SPATA21: variants seen among roughly 807,000 people sequenced by gnomAD.
SPATA21 encodes the protein spermatogenesis-associated protein 21.
In SPATA21, 47 loss-of-function variants were observed where a neutral mutation model predicts 54.8. The observed-to-expected ratio is 0.86, with a 90% confidence interval of 0.68 to 1.09. The LOEUF (loss-of-function observed/expected upper bound fraction) is 1.09, where lower values mean the gene tolerates loss of function less well. SPATA21 is among the 50% of genes least tolerant of loss of function. SPATA21 has a pLI of 0.00. For synonymous variants in SPATA21, 245 were observed against 235.3 expected (o/e 1.04, Z -0.38); for missense variants, 599 against 596.4 (o/e 1.00, Z -0.05).
At chr1:16,410,088 G>A in intron 5 of SPATA21, 45 bp from the exon 6 acceptor site, 2 of 1,449,004 alleles carry the variant, frequency 1.4e-6, no homozygotes, top group Non-Finnish European at 1.9e-6. Flanking sequence ...GTGGGCCAGA[G>A]TGTCCCACAA....
At chr1:16,424,217 G>GCGGGCGGATCACGAGGT (rs1214509690) in intron 3 of SPATA21, among the ~76,000 whole-genome samples, 3,233 of 112,038 alleles carry the variant, frequency 0.029, 535 homozygotes, top group Middle Eastern at 0.056. Context: ...GGAGGCTGAG[G>GCGGGCGGATCACGAGGT]CAGGAGAATG....
chr1:16,412,489 G>A lies in SPATA21; in HGVS notation c.145-2446C>T, dbSNP rs184649381. 1.3e-3 allele frequency among the ~76,000 whole-genome samples: 204 copies of A among 152,220 alleles called. 1 individual carries two copies. Among genetic ancestry groups the A allele is most frequent in the African/African-American group, 4.7e-3 (196 of 41,518 alleles). On this transcript the variant is annotated intron_variant, in intron 5 of 12. Transcript: ENST00000335496. ...CTTTGTTTGTTTGTTTTGAGACAGAGTCTCACTCTGTTGCCCAGGCTGGAG... is the reference window on the plus strand; with the variant it reads ...CTTTGTTTGTTTGTTTTGAGACAGAATCTCACTCTGTTGCCCAGGCTGGAG...
intron 5 of SPATA21, among the ~76,000 whole-genome samples, chr1:16,415,147 G>C (rs1249118985): frequency 6.6e-6 from 1 of 152,148 alleles, no homozygotes; most frequent in African/African-American, 2.4e-5. Flanking sequence ...GAAGAGCCTG[G>C]GCAACATGGT....
At chr1:16,416,519 A>T in intron 5 of SPATA21, among the ~76,000 whole-genome samples, 1 of 152,132 alleles carries the variant, frequency 6.6e-6, no homozygotes, top group East Asian at 1.9e-4. Flanking sequence ...CTCTATTAAA[A>T]ATACAAAAAT....
At chr1:16,406,306 C>T (rs905655064) in intron 7 of SPATA21, among the ~76,000 whole-genome samples, 2 of 152,036 alleles carry the variant, frequency 1.3e-5, no homozygotes, top group Admixed American at 1.3e-4. Flanking sequence ...TTTAATGAGC[C>T]GGATTGCTCT....
chr1:16,409,269 G>A lies in SPATA21; in HGVS notation c.588-66C>T, dbSNP rs182873855. 3,137 of 1,576,894 alleles carry A rather than the reference G, an allele frequency of 2.0e-3. 44 individuals are homozygous for A. The African/African-American group carries it at 0.029, about 14-fold the overall frequency. Reference sequence around the variant, plus strand: ...GCCCACCCTGCTGATAGCTAGGGGAGGGGTTGGGGGAGCCTGCAGGAGGAG... The same window carrying A: ...GCCCACCCTGCTGATAGCTAGGGGAAGGGTTGGGGGAGCCTGCAGGAGGAG... On this transcript the variant is annotated intron_variant, in intron 6 of 12. Coordinates refer to ENST00000335496, the MANE Select transcript of SPATA21 (RefSeq NM_198546.1). The surrounding 1 kb of genome is among the most constrained non-coding windows in gnomAD (Gnocchi z 4.1).
intron 11 of SPATA21, among the ~76,000 whole-genome samples, chr1:16,400,243 C>T (rs2085403075): frequency 6.6e-6 from 1 of 152,166 alleles, no homozygotes; most frequent in South Asian, 2.1e-4. Context: ...TCTCGAACTT[C>T]TGACCTCAGG....
chr1:16,429,161 C>CT (rs558448846), intron 3 of SPATA21, among the ~76,000 whole-genome samples: 4 of 150,262 alleles, frequency 2.7e-5, no homozygotes, highest in Non-Finnish European at 5.9e-5. Flanking sequence ...TTTTTTTTGG[C>CT]TTTTTTTTTC....
Position 16,409,488 on chromosome 1 carries a change from GA to G in SPATA21, c.587+112del, listed in dbSNP as rs919514998. The stretch of plus-strand genomic sequence containing the variant: ...GGAGACACATGAGGAGAAATGGAGA[GA>G]GGGGGACACACGAGGGAACAGGCAG... On this transcript the variant is annotated intron_variant, in intron 6 of 12. Transcript: ENST00000335496. The surrounding 1 kb of genome is among the most constrained non-coding windows in gnomAD (Gnocchi z 4.1). 2.7e-6 allele frequency: 3 copies of G among 1,128,446 alleles called. No homozygotes were observed. The African/African-American group carries it at 4.6e-5, about 17-fold the overall frequency. 69.9% of individuals were successfully genotyped at this position (1,128,446 alleles called of 1,614,324 possible). A position where few individuals can be genotyped will look rare whatever the true frequency, so the allele number is the denominator to read the frequency against.
chr1:16,403,703 C>T (rs774470912), intron 10 of SPATA21, 24 bp downstream of exon 10: 2 of 1,597,582 alleles, frequency 1.3e-6, no homozygotes, highest in Non-Finnish European at 1.7e-6. Context: ...CAACCCTTCA[C>T]CCCCAACAAC....
intron 7 of SPATA21, among the ~76,000 whole-genome samples, chr1:16,406,089 G>T (rs1014034909): frequency 6.6e-6 from 1 of 152,108 alleles, no homozygotes; most frequent in Admixed American, 6.5e-5. Flanking sequence ...AGACAGCAGA[G>T]TGAGTCAAGG....
At chr1:16,424,971 T>C (rs907078917) in intron 3 of SPATA21, 2 of 305,236 alleles carry the variant, frequency 6.6e-6, no homozygotes, top group Non-Finnish European at 1.3e-5. Flanking sequence ...CTGGTTGGAG[T>C]GCAATGGCGC....
chr1:16,409,972 A>T lies in SPATA21; in HGVS notation c.216T>A (p.Ala72=). ...AQQQPQKPAV[A]AGTQSLGNFR... ...AGTTCCCGAGGCTCTGTGTCCCTGC[A>T]GCCACCGCGGGCTTCTGAGGCTGCT... Residue 72 remains alanine, a synonymous_variant, in exon 6 of 13, where the codon GCT becomes GCA. Coordinates refer to ENST00000335496, the MANE Select transcript of SPATA21 (RefSeq NM_198546.1). This position sits in a 1 kb window ranked among gnomAD's most constrained non-coding sequence, Gnocchi z 4.1. 1 of 1,610,098 alleles carries T rather than the reference A, an allele frequency of 6.2e-7. No individual in the cohort carries two copies. The highest frequency in any genetic ancestry group is 8.5e-7 in the Non-Finnish European group (1 of 1,178,222).
In SPATA21 at chr1:16,409,756, C is replaced by T. The variant is rs780467449; in HGVS notation, c.432G>A (p.Leu144=). The part of the protein sequence containing the change: ...VPASGPSWAR[L]PAPGPEPAPM... ...GGGCAGGTTCTGGCCCAGGAGCTGGCAGCCGGGCCCACGATGGGCCGCTGG... is the reference window on the plus strand; with the variant it reads ...GGGCAGGTTCTGGCCCAGGAGCTGGTAGCCGGGCCCACGATGGGCCGCTGG... Residue 144 remains leucine (L), a synonymous_variant, in exon 6 of 13, where the codon CTG becomes CTA. Transcript: ENST00000335496. The surrounding 1 kb of genome is among the most constrained non-coding windows in gnomAD (Gnocchi z 4.1). The T allele has an allele frequency of 8.7e-6, 14 of 1,607,150 alleles. No homozygotes were observed. The highest frequency in any genetic ancestry group is 1.1e-5 in the Non-Finnish European group (13 of 1,177,224).
chr1:16,419,075 C>T (rs1006625742), intron 5 of SPATA21, among the ~76,000 whole-genome samples: 5 of 152,166 alleles, frequency 3.3e-5, no homozygotes, highest in African/African-American at 4.8e-5. Flanking sequence ...GAAAGTACTA[C>T]AAAGACAATA....
intron 3 of SPATA21, chr1:16,427,874 C>T (rs1475592549): frequency 6.5e-7 from 1 of 1,548,688 alleles, no homozygotes; most frequent in Non-Finnish European, 8.7e-7. Flanking sequence ...CCTGGTCTTG[C>T]TGGAGGCCCC....
intron 10 of SPATA21, 87 bp downstream of exon 10, chr1:16,403,640 G>T (rs533495302): frequency 1.7e-6 from 2 of 1,195,684 alleles, no homozygotes; most frequent in East Asian, 2.4e-5. Context: ...ACTAAAAGTC[G>T]TAACTACCAA....
intron 7 of SPATA21, among the ~76,000 whole-genome samples, chr1:16,405,496 A>AC (rs1222983625): frequency 1.7e-5 from 2 of 114,712 alleles, no homozygotes; most frequent in African/African-American, 5.6e-5. Flanking sequence ...TAAAAATGAA[A>AC]AAAAAAAAAA....
At chr1:16,396,445 C>T (rs1199413624), downstream of SPATA21, 2 of 152,168 alleles carry the variant, frequency 1.3e-5, no homozygotes, top group Admixed American at 6.5e-5. Context: ...TTTTCCAGAG[C>T]GAGGGCCTGG....
Sources: allele counts gnomAD v4.1 joint callset (sites outside exome capture counted in the v4.1 genomes callset), GRCh38; gene constraint gnomAD v4.1.1; non-coding constraint Gnocchi (gnomAD v3.1); transcripts MANE v1.5; gene names NCBI Gene and HGNC (gene_info 2026-07-23, HGNC 2026-07-21).